GPR173: variants seen among roughly 807,000 people sequenced by gnomAD.
GPR173 encodes probable G protein-coupled receptor 173.
Under a neutral mutation model 13.9 loss-of-function variants are expected in GPR173, and 2 were observed. The observed-to-expected ratio is 0.14, with a 90% confidence interval of 0.06 to 0.45. The LOEUF is 0.45. Among genes scored for constraint, GPR173 ranks in the 20% least tolerant of loss-of-function variants. GPR173 has a pLI of 0.98. For missense variants in GPR173, 202 were observed against 340.5 expected (o/e 0.59, Z 3.20); for synonymous variants, 131 against 141.0 (o/e 0.93, Z 0.50).
intron 1 of GPR173, among the ~76,000 whole-genome samples, chrX:53,057,416 T>TC (rs1459588864): frequency 1.8e-5 from 1 of 54,110 alleles, no homozygotes; most frequent in African/African-American, 9.8e-5. Flanking sequence ...AAACTCCATC[T>TC]CAAAAAAAAA....
In GPR173 at chrX:53,049,210, C is replaced by A. The variant is rs1439698020; in HGVS notation, c.-372C>A. Reference sequence around the variant, plus strand: ...TGGAGGAAGCACCTGCCGGGACCCCCACCTGCCAGCTAGTTGGACACCCCA... The same window carrying A: ...TGGAGGAAGCACCTGCCGGGACCCCAACCTGCCAGCTAGTTGGACACCCCA... On this transcript the variant is annotated 5_prime_UTR_variant, in exon 1 of 2. Coordinates refer to ENST00000332582, the MANE Select transcript of GPR173 (RefSeq NM_018969.6). The A allele has an allele frequency of 9.0e-6, 1 of 111,645 alleles. No individual in the cohort carries two copies. The highest frequency in any genetic ancestry group is 1.9e-5 in the Non-Finnish European group (1 of 53,146). 9.2% of individuals were successfully genotyped at this position (111,645 alleles called of 1,213,427 possible). A position where few individuals can be genotyped will look rare whatever the true frequency, so the allele number is the denominator to read the frequency against.
chrX:53,066,896 T>C (rs781901540), intron 1 of GPR173, among the ~76,000 whole-genome samples: 1 of 111,496 alleles, frequency 9.0e-6, no homozygotes, highest in Non-Finnish European at 1.9e-5. Flanking sequence ...ATGAGACCTA[T>C]AGACAAACTT....
At chrX:53,074,874 A>G (rs1398873428) in intron 1 of GPR173, among the ~76,000 whole-genome samples, 1 of 101,951 alleles carries the variant, frequency 9.8e-6, no homozygotes, top group Non-Finnish European at 2.0e-5. Context: ...TGGAGGGGGC[A>G]TTATCTGTCA....
Position 53,078,435 on chromosome X carries a change from T to C in GPR173, c.*692T>C, listed in dbSNP as rs1932476430. ...GTCCAGACCTCCCAAATGGTTCTTGTGCATCTGTTGGAGAAGTCAAGGGAG... is the reference window on the plus strand; with the variant it reads ...GTCCAGACCTCCCAAATGGTTCTTGCGCATCTGTTGGAGAAGTCAAGGGAG... On this transcript the variant is annotated 3_prime_UTR_variant, in exon 2 of 2. Coordinates refer to ENST00000332582, the MANE Select transcript of GPR173 (RefSeq NM_018969.6). The C allele has an allele frequency of 8.1e-6, 1 of 123,190 alleles. No homozygotes were observed. The highest frequency in any genetic ancestry group is 1.9e-5 in the Non-Finnish European group (1 of 53,250). 10.2% of individuals were successfully genotyped at this position (123,190 alleles called of 1,213,427 possible).
chrX:53,067,348 T>G (rs1336522309), intron 1 of GPR173, among the ~76,000 whole-genome samples: 1 of 111,797 alleles, frequency 8.9e-6, no homozygotes, highest in Non-Finnish European at 1.9e-5. Flanking sequence ...CTTTACTTGT[T>G]AATCATACAA....
rs1286267445 is a variant in GPR173, at chrX:53,080,576, CTG to C, written c.*2839_*2840del. ...TATCTGTGAAAAATGTATGGTATTGCTGTGTGTTTTAATTTACATAAACAGTA... is the reference window on the plus strand; with the variant it reads ...TATCTGTGAAAAATGTATGGTATTGCTGTGTTTTAATTTACATAAACAGTA... On this transcript the variant is annotated 3_prime_UTR_variant, in exon 2 of 2. Coordinates refer to ENST00000332582, the MANE Select transcript of GPR173 (RefSeq NM_018969.6). 6.5e-5 allele frequency: 8 copies of C among 122,829 alleles called. No homozygotes were observed. Among genetic ancestry groups the C allele is most frequent in the East Asian group, 2.8e-4 (1 of 3,599 alleles). The allele number at this position is 122,829 out of a possible 1,213,427, so 10.1% of individuals were successfully genotyped here. A position where few individuals can be genotyped will look rare whatever the true frequency, so the allele number is the denominator to read the frequency against.
intron 1 of GPR173, among the ~76,000 whole-genome samples, chrX:53,063,609 T>C (rs1305947119): frequency 2.7e-5 from 3 of 112,039 alleles, no homozygotes; most frequent in African/African-American, 9.7e-5. Flanking sequence ...ATAAATTCTG[T>C]CTTTAAATCG....
At chrX:53,055,811 G>A (rs1413719144) in intron 1 of GPR173, among the ~76,000 whole-genome samples, 1 of 109,936 alleles carries the variant, frequency 9.1e-6, no homozygotes, top group Non-Finnish European at 1.9e-5. Flanking sequence ...ATGAGAGGGT[G>A]GATGTGTCTG....
At chrX:53,073,809 A>C (rs1360074367) in intron 1 of GPR173, among the ~76,000 whole-genome samples, 1 of 73,806 alleles carries the variant, frequency 1.4e-5, no homozygotes, top group Non-Finnish European at 2.4e-5. Context: ...TATTTAAAAA[A>C]TTTTATATAT....
intron 1 of GPR173, among the ~76,000 whole-genome samples, chrX:53,073,094 G>A (rs1057399550): frequency 1.8e-5 from 2 of 110,178 alleles, no homozygotes; most frequent in African/African-American, 6.6e-5. Context: ...GTGGTGGTGC[G>A]TGTGCTTGTA....
intron 1 of GPR173, among the ~76,000 whole-genome samples, chrX:53,054,148 A>ATGTGTG (rs782051170): frequency 0.015 from 1,560 of 106,552 alleles, 27 homozygotes; most frequent in African/African-American, 0.045. Flanking sequence ...GTGTGTGTGT[A>ATGTGTG]TGTGTGTGTG....
intron 1 of GPR173, among the ~76,000 whole-genome samples, chrX:53,059,733 A>G (rs113072527): frequency 0.01 from 1,080 of 106,178 alleles, 10 homozygotes; most frequent in African/African-American, 0.035. Flanking sequence ...TCGAGGCTGC[A>G]GTGAGCCATG....
chrX:53,062,547 G>GA (rs371168005), intron 1 of GPR173, among the ~76,000 whole-genome samples: 89 of 40,724 alleles, frequency 2.2e-3, no homozygotes, highest in African/African-American at 4.2e-3. Flanking sequence ...AAATCCAACA[G>GA]AAAAAAAAAA....
intron 1 of GPR173, among the ~76,000 whole-genome samples, chrX:53,069,423 C>G (rs1435427018): frequency 1.8e-5 from 2 of 112,225 alleles, no homozygotes; most frequent in African/African-American, 6.5e-5. Context: ...ACAGTTACCA[C>G]CTCTCTTTGC....
At chrX:53,054,364 C>T (rs1288796598) in intron 1 of GPR173, among the ~76,000 whole-genome samples, 1 of 109,836 alleles carries the variant, frequency 9.1e-6, no homozygotes, top group African/African-American at 3.3e-5. Context: ...TACAACTGGG[C>T]GTGGTGGTGC....
At position 53,076,660 on chromosome X, in the gene GPR173, C is replaced by T. The variant is rs1181198643; in HGVS notation, c.39C>T (p.Gly13=). Residue 13 remains glycine, a synonymous_variant, in exon 2 of 2, where the codon GGC becomes GGT. Coordinates refer to ENST00000332582, the MANE Select transcript of GPR173 (RefSeq NM_018969.6). ...NTTGEPEEVS[G]ALSPPSASAY... ...CCGGAGAGCCTGAGGAGGTGAGCGG[C>T]GCTCTGTCCCCACCGTCCGCATCAG... 8 of 1,199,039 alleles carry T rather than the reference C, an allele frequency of 6.7e-6. No homozygotes were observed. The highest frequency in any genetic ancestry group is 3.0e-5 in the East Asian group (1 of 33,646).
intron 1 of GPR173, among the ~76,000 whole-genome samples, chrX:53,067,501 T>C (rs186779050): frequency 1.8e-5 from 2 of 112,484 alleles, no homozygotes; most frequent in Admixed American, 1.9e-4. Flanking sequence ...CTGTGAGTTC[T>C]GAAAACTGAT....
intron 1 of GPR173, among the ~76,000 whole-genome samples, chrX:53,056,184 G>A (rs1569220838): frequency 1.8e-5 from 2 of 109,961 alleles, no homozygotes; most frequent in East Asian, 5.7e-4. Context: ...TGAATTGGGA[G>A]TTTGCATAAG....
intron 1 of GPR173, among the ~76,000 whole-genome samples, chrX:53,062,021 G>A (rs1241592874): frequency 9.1e-6 from 1 of 110,379 alleles, no homozygotes; most frequent in Non-Finnish European, 1.9e-5. Context: ...GAGAAGAGAA[G>A]AAAAGGGAGC....
Sources: gnomAD v4.1 joint callset for allele counts (sites outside exome capture counted in the v4.1 genomes callset) on GRCh38, gnomAD v4.1.1 for gene constraint, MANE v1.5 for transcripts, NCBI Gene and HGNC (gene_info 2026-07-23, HGNC 2026-07-21) for gene names.